The following NT5DC3 variants were observed in gnomAD, a reference collection of about 807,000 sequenced individuals.
NT5DC3 encodes 5'-nucleotidase domain containing 3, also known as 5'-nucleotidase domain-containing protein 3.
In NT5DC3, 42 loss-of-function variants were observed where a neutral mutation model predicts 67.8. That is an observed-to-expected ratio of 0.62 (90% CI 0.48 to 0.80). The LOEUF is 0.80. Ranked by LOEUF, NT5DC3 falls within the 30% of genes least tolerant of loss-of-function variation. The probability of loss-of-function intolerance (pLI) is 0.00; values close to 1 mark genes in which losing one functional copy is unlikely to be tolerated. For synonymous variants in NT5DC3, 237 were observed against 255.6 expected, an observed-to-expected ratio of 0.93 and a Z score of 0.69; for missense variants, 570 against 696.4, an observed-to-expected ratio of 0.82 and a Z score of 2.04.
At chr12:103,793,883 T>A in intron 7 of NT5DC3, 54 bp downstream of exon 7, 1 of 1,456,460 alleles carries the variant, frequency 6.9e-7, no homozygotes, top group Non-Finnish European at 9.6e-7. Flanking sequence ...CCGGCATGGT[T>A]GCAAAAGAAA....
At chr12:103,748,905 T>A in the NT5DC3 span, 1 of 1,561,164 alleles carries the variant, frequency 6.4e-7, no homozygotes, top group Non-Finnish European at 8.7e-7. Flanking sequence ...TACCCTGACC[T>A]GAAGCCCTAG....
chr12:103,840,124 G>C (rs1888316443), intron 1 of NT5DC3, among the ~76,000 whole-genome samples: 1 of 152,174 alleles, frequency 6.6e-6, no homozygotes, highest in Non-Finnish European at 1.5e-5. Flanking sequence ...TTAAACCTGA[G>C]TCTCGCCTTT....
Position 103,777,629 on chromosome 12 carries a change from T to C in NT5DC3, c.*200A>G. On this transcript the variant is annotated 3_prime_UTR_variant, in exon 14 of 14. Coordinates refer to ENST00000392876, the MANE Select transcript of NT5DC3 (RefSeq NM_001031701.3). ...CAATGTGAAGCTTGCCTTTCAGCCCTGCATGGGGGGAAAGGCTGGAGGGGT... is the reference window on the plus strand; with the variant it reads ...CAATGTGAAGCTTGCCTTTCAGCCCCGCATGGGGGGAAAGGCTGGAGGGGT... The C allele has an allele frequency of 4.9e-6, 3 of 616,556 alleles. No homozygotes were observed. Among genetic ancestry groups the C allele is most frequent in the Non-Finnish European group, 8.2e-6 (3 of 366,340 alleles). The allele number at this position is 616,556 out of a possible 1,614,324, so 38.2% of individuals were successfully genotyped here.
intron 1 of NT5DC3, among the ~76,000 whole-genome samples, chr12:103,830,151 T>A (rs1303398466): frequency 6.6e-6 from 1 of 152,180 alleles, no homozygotes; most frequent in Non-Finnish European, 1.5e-5. Context: ...CTACCAATCC[T>A]CGGAGACAGG....
chr12:103,832,265 C>A (rs1445192169), intron 1 of NT5DC3, among the ~76,000 whole-genome samples: 1 of 151,976 alleles, frequency 6.6e-6, no homozygotes, highest in Non-Finnish European at 1.5e-5. Flanking sequence ...GGTTAGAGGA[C>A]ATCTGTTTCC....
At chr12:103,760,727 T>G in the NT5DC3 span, among the ~76,000 whole-genome samples, 1 of 152,222 alleles carries the variant, frequency 6.6e-6, no homozygotes, top group African/African-American at 2.4e-5. Context: ...AGGTAGCAAG[T>G]GCTTAATAAA....
chr12:103,838,839 T>C (rs1030096627), intron 1 of NT5DC3, among the ~76,000 whole-genome samples: 3 of 152,016 alleles, frequency 2.0e-5, no homozygotes, highest in East Asian at 1.9e-4. Context: ...TTATACTTGG[T>C]GAAAAAAAAC....
At chr12:103,768,330 G>GAAGCCTCCTGAGT (rs1266543583), downstream of NT5DC3, among the ~76,000 whole-genome samples, 3 of 146,932 alleles carry the variant, frequency 2.0e-5, no homozygotes, top group Admixed American at 6.8e-5. Flanking sequence ...AGCTACTCAG[G>GAAGCCTCCTGAGT]AGGCTGAGGC....
chr12:103,753,510 G>A, the NT5DC3 span, among the ~76,000 whole-genome samples: 154 of 152,240 alleles, frequency 1.0e-3, 1 homozygote, highest in East Asian at 0.028. Flanking sequence ...CCATTTATTG[G>A]GCATCTATTA....
rs1397004335 is a variant in NT5DC3 at position 103,775,537 on chromosome 12, G to T, written c.*2292C>A. 6.6e-6 allele frequency: 1 copy of T among 152,050 alleles called. No individual in the cohort carries two copies. Among genetic ancestry groups the T allele is most frequent in the Non-Finnish European group, 1.5e-5 (1 of 68,028 alleles). 9.4% of individuals were successfully genotyped at this position (152,050 alleles called of 1,614,324 possible). A position where few individuals can be genotyped will look rare whatever the true frequency, so the allele number is the denominator to read the frequency against. On this transcript the variant is annotated 3_prime_UTR_variant, in exon 14 of 14. Coordinates refer to ENST00000392876, the MANE Select transcript of NT5DC3 (RefSeq NM_001031701.3). ...CAGAAACTTGAAGCCAAGAACACCA[G>T]CGCATTCTTTTAGAACCCCGACACC...
At chr12:103,755,407 G>A in the NT5DC3 span, 17 of 1,614,122 alleles carry the variant, frequency 1.1e-5, no homozygotes, top group East Asian at 2.2e-5. Flanking sequence ...TGGGATAGTG[G>A]ACTATGGACC....
intron 1 of NT5DC3, 116 bp downstream of exon 1, chr12:103,840,833 G>A: frequency 2.2e-6 from 1 of 450,274 alleles, no homozygotes. Flanking sequence ...CGGGGTTCGC[G>A]ACTGGAGGCC....
In NT5DC3 at chr12:103,788,871, G is replaced by A; in HGVS notation, c.1068C>T (p.Ile356=). ...ATATCTGGCCTTTCTGCAACTTATGGATTTTATCCCAGAGTAAGACACCTT... is the reference window on the plus strand; with the variant it reads ...ATATCTGGCCTTTCTGCAACTTATGAATTTTATCCCAGAGTAAGACACCTT... ...NEKGVLLWDK[I]HKLQKGQIYK... The change falls in exon 10 of 14, where the codon ATC becomes ATT. Residue 356 remains isoleucine, a synonymous_variant. Coordinates refer to ENST00000392876, the MANE Select transcript of NT5DC3 (RefSeq NM_001031701.3). The A allele has an allele frequency of 6.2e-7, 1 of 1,613,510 alleles. No homozygotes were observed. The highest frequency in any genetic ancestry group is 8.5e-7 in the Non-Finnish European group (1 of 1,179,468).
At chr12:103,839,246 T>A (rs1456145214) in intron 1 of NT5DC3, among the ~76,000 whole-genome samples, 1 of 152,138 alleles carries the variant, frequency 6.6e-6, no homozygotes, top group Non-Finnish European at 1.5e-5. Flanking sequence ...CCTCTATTAG[T>A]CCTTTTCTGT....
At chr12:103,807,141 T>C (rs959071479) in intron 2 of NT5DC3, among the ~76,000 whole-genome samples, 1 of 152,182 alleles carries the variant, frequency 6.6e-6, no homozygotes, top group African/African-American at 2.4e-5. Context: ...CCCTGTACCC[T>C]GTCCATCTGC....
intron 1 of NT5DC3, among the ~76,000 whole-genome samples, chr12:103,831,551 T>C (rs750872597): frequency 1.3e-4 from 20 of 152,026 alleles, no homozygotes; most frequent in Admixed American, 7.9e-4. Flanking sequence ...AAAAAATATC[T>C]AGAGCAAAGA....
chr12:103,786,146 G>A (rs774868179), intron 11 of NT5DC3, among the ~76,000 whole-genome samples: 29 of 152,050 alleles, frequency 1.9e-4, no homozygotes, highest in Non-Finnish European at 3.8e-4. Context: ...CCCAGCCCTC[G>A]TGGAAAATAC....
chr12:103,759,315 G>C, the NT5DC3 span: 1 of 1,604,888 alleles, frequency 6.2e-7, no homozygotes, highest in Non-Finnish European at 8.5e-7. Context: ...GGGAGATAAT[G>C]CATGCAAAGT....
chr12:103,822,910 G>A lies in NT5DC3; in HGVS notation c.209-7789C>T, dbSNP rs182359308. 2.4e-3 allele frequency among the ~76,000 whole-genome samples: 360 copies of A among 152,210 alleles called. 1 individual carries two copies. Among genetic ancestry groups the A allele is most frequent in the African/African-American group, 8.1e-3 (338 of 41,526 alleles). ...TTGATATTAATAAAGCAAAAACTGG[G>A]GGAAAACATGCTCCATTTGGAGGCC... On this transcript the variant is annotated intron_variant, in intron 1 of 13. Transcript: ENST00000392876.
Sources: gnomAD v4.1 joint callset for allele counts (sites outside exome capture counted in the v4.1 genomes callset) on GRCh38, gnomAD v4.1.1 for gene constraint, MANE v1.5 for transcripts, NCBI Gene and HGNC (gene_info 2026-07-23, HGNC 2026-07-21) for gene names.